Variants in PPP2R5E observed in about 807,000 individuals in gnomAD.
The protein encoded by PPP2R5E is protein phosphatase 2 regulatory subunit B'epsilon.
A neutral mutation model predicts 65.3 loss-of-function variants in PPP2R5E; 4 were observed. The ratio of observed to expected loss-of-function variants is 0.06; its 90% confidence interval spans 0.03 to 0.14. PPP2R5E has a LOEUF of 0.14. Ranked by LOEUF, PPP2R5E falls within the 10% of genes least tolerant of loss-of-function variation. PPP2R5E has a pLI of 1.00. For missense variants in PPP2R5E, 274 were observed against 556.1 expected, an observed-to-expected ratio of 0.49 and a Z score of 5.10; for synonymous variants, 183 against 187.4, an observed-to-expected ratio of 0.98 and a Z score of 0.19.
At chr14:63,382,424 G>A (rs542110618) in intron 12 of PPP2R5E, among the ~76,000 whole-genome samples, 4 of 145,370 alleles carry the variant, frequency 2.8e-5, no homozygotes, top group East Asian at 2.1e-4. Context: ...TTTTTGCAAC[G>A]GAGTTTCGCT....
intron 2 of PPP2R5E, among the ~76,000 whole-genome samples, chr14:63,486,016 G>A (rs1890976079): frequency 6.6e-6 from 1 of 151,434 alleles, no homozygotes; most frequent in African/African-American, 2.4e-5. Flanking sequence ...TTTTAGTAGA[G>A]ACAGGGTTTC....
intron 3 of PPP2R5E, among the ~76,000 whole-genome samples, chr14:63,446,664 C>G (rs543532454): frequency 6.6e-6 from 1 of 151,638 alleles, no homozygotes; most frequent in Non-Finnish European, 1.5e-5. Context: ...CCCGTCTCTA[C>G]TAAAAATACA....
intron 3 of PPP2R5E, among the ~76,000 whole-genome samples, chr14:63,424,069 T>G (rs1030772430): frequency 6.6e-5 from 10 of 152,044 alleles, no homozygotes; most frequent in African/African-American, 1.2e-4. Flanking sequence ...GCTGTGAATG[T>G]GACAAGGAAT....
intron 3 of PPP2R5E, among the ~76,000 whole-genome samples, chr14:63,449,467 A>C (rs908413739): frequency 6.6e-6 from 1 of 151,984 alleles, no homozygotes; most frequent in Admixed American, 6.6e-5. Context: ...TCCTCACAAA[A>C]CCCCCCAAAG....
chr14:63,381,131 C>T (rs547798807), intron 13 of PPP2R5E, among the ~76,000 whole-genome samples: 5 of 152,328 alleles, frequency 3.3e-5, no homozygotes, highest in African/African-American at 1.2e-4. Context: ...CCAAGTACAT[C>T]TTTTGGAAAG....
At chr14:63,522,095 C>CT (rs1892937831) in intron 2 of PPP2R5E, among the ~76,000 whole-genome samples, 9 of 151,730 alleles carry the variant, frequency 5.9e-5, no homozygotes, top group Non-Finnish European at 1.0e-4. Flanking sequence ...AGGCACGCGC[C>CT]GCCACGCCTG....
intron 4 of PPP2R5E, among the ~76,000 whole-genome samples, chr14:63,418,610 G>A (rs1023312870): frequency 1.3e-5 from 2 of 151,956 alleles, no homozygotes; most frequent in African/African-American, 4.8e-5. Context: ...CAAACGGAAA[G>A]CACTAAAAAC....
intron 3 of PPP2R5E, chr14:63,451,564 G>A (rs769445947): frequency 1.3e-5 from 2 of 152,256 alleles, no homozygotes; most frequent in African/African-American, 2.4e-5. Flanking sequence ...GAAGGTGGTG[G>A]GTGATGAAGA....
chr14:63,418,052 C>T (rs758213386), intron 4 of PPP2R5E, among the ~76,000 whole-genome samples: 3 of 152,138 alleles, frequency 2.0e-5, no homozygotes, highest in Admixed American at 6.5e-5. Flanking sequence ...TGTTTTTCTC[C>T]TTGGAACTCT....
At chr14:63,397,502 TAAAAAA>T (rs1163450765) in intron 5 of PPP2R5E, among the ~76,000 whole-genome samples, 2 of 62,286 alleles carry the variant, frequency 3.2e-5, no homozygotes, top group East Asian at 1.0e-3. Flanking sequence ...ATTCGGTCTT[TAAAAAA>T]AAAAAAAAAA....
chr14:63,403,904 A>G (rs1885912205), intron 5 of PPP2R5E, among the ~76,000 whole-genome samples: 2 of 152,244 alleles, frequency 1.3e-5, no homozygotes, highest in South Asian at 4.1e-4. Context: ...TTTGTGATAT[A>G]ACAAATGTAG....
At chr14:63,472,879 A>G (rs1380002069) in intron 2 of PPP2R5E, among the ~76,000 whole-genome samples, 2 of 152,240 alleles carry the variant, frequency 1.3e-5, no homozygotes, top group Non-Finnish European at 2.9e-5. Flanking sequence ...CAACACAGAA[A>G]TGTGGGACAG....
chr14:63,442,619 C>T (rs763216478), intron 3 of PPP2R5E, among the ~76,000 whole-genome samples: 3 of 152,132 alleles, frequency 2.0e-5, no homozygotes, highest in Non-Finnish European at 2.9e-5. Context: ...ACCACATTTA[C>T]GTAACTTTTA....
intron 2 of PPP2R5E, among the ~76,000 whole-genome samples, chr14:63,534,190 T>C (rs1049221011): frequency 1.3e-5 from 2 of 152,210 alleles, no homozygotes; most frequent in African/African-American, 4.8e-5. Flanking sequence ...TTTGCCTAAC[T>C]GTTTAGTTTG....
In PPP2R5E at chr14:63,443,184, A is replaced by G. The variant is rs371522838; in HGVS notation, c.354+10505T>C. ...GAGAGTAGGAAAAAACAAAGCTAAT[A>G]GTGGCCAAGAAACAACGTAACGAAC... On this transcript the variant is annotated intron_variant, in intron 3 of 13. Coordinates refer to ENST00000337537, the MANE Select transcript of PPP2R5E (RefSeq NM_006246.5). Among the ~76,000 whole-genome samples the G allele has an allele frequency of 2.3e-4, 35 of 152,356 alleles. No individual in the cohort carries two copies. The East Asian group carries it at 4.8e-3, about 21-fold the overall frequency.
Position 63,395,488 on chromosome 14 carries a change from AGGG to A in PPP2R5E, c.681-206_681-204del, listed in dbSNP as rs747577604. Among the ~76,000 whole-genome samples, 5 of 2,318 alleles carry A rather than the reference AGGG, an allele frequency of 2.2e-3. 1 individual carries two copies. The highest frequency in any genetic ancestry group is 0.042 in the East Asian group (2 of 48). 1.5% of individuals were successfully genotyped at this position (2,318 alleles called of 152,430 possible). ...GGGGGGAAGAGAGGAGGAGGAGAGGAGGGGGGAAGAGAGGAGGAGGAGAGGAGG... is the reference window on the plus strand; with the variant it reads ...GGGGGGAAGAGAGGAGGAGGAGAGGAGGGAAGAGAGGAGGAGGAGAGGAGG... On this transcript the variant is annotated intron_variant, in intron 6 of 13. Transcript: ENST00000337537.
chr14:63,535,779 C>A (rs1194576975), intron 2 of PPP2R5E, among the ~76,000 whole-genome samples: 1 of 152,088 alleles, frequency 6.6e-6, no homozygotes, highest in Non-Finnish European at 1.5e-5. Flanking sequence ...AAAATTAACC[C>A]AATTTAGTCA....
intron 2 of PPP2R5E, among the ~76,000 whole-genome samples, chr14:63,522,589 C>A (rs1412679578): frequency 4.9e-5 from 7 of 142,212 alleles, no homozygotes; most frequent in African/African-American, 1.5e-4. Context: ...AGCGCCTCTG[C>A]CCCGCCGCCC....
At chr14:63,450,451 G>A (rs940893979) in intron 3 of PPP2R5E, among the ~76,000 whole-genome samples, 4 of 152,116 alleles carry the variant, frequency 2.6e-5, no homozygotes, top group Non-Finnish European at 5.9e-5. Context: ...AGAATGGGGA[G>A]GAAAAGAGGG....
Sources: allele counts gnomAD v4.1 joint callset (sites outside exome capture counted in the v4.1 genomes callset), GRCh38; gene constraint gnomAD v4.1.1; transcripts MANE v1.5; gene names NCBI Gene and HGNC (gene_info 2026-07-23, HGNC 2026-07-21).